The following PRKG2 variants were observed in gnomAD, a reference collection of about 807,000 sequenced individuals.
PRKG2 encodes the protein protein kinase cGMP-dependent 2.
PRKG2 carries 33 observed loss-of-function variants against 97.2 expected under a neutral mutation model. That is an observed-to-expected ratio of 0.34 (90% CI 0.26 to 0.45). PRKG2 has a LOEUF of 0.45. Among genes scored for constraint, PRKG2 ranks in the 20% least tolerant of loss-of-function variants. The pLI is 1.00. For missense variants in PRKG2, 638 were observed against 900.0 expected (o/e 0.71, Z 3.73); for synonymous variants, 330 against 321.8 (o/e 1.03, Z -0.27).
chr4:81,118,758 A>T lies in PRKG2; in HGVS notation c.1777-8147T>A, dbSNP rs575670357. On this transcript the variant is annotated intron_variant, in intron 14 of 18. Transcript: ENST00000264399. The stretch of plus-strand genomic sequence containing the variant: ...TGGCTTGTCTTCTAATTCTCTTAAC[A>T]GTCTTTCACAGAGCAGAAGTTTTCG... 1.5e-4 allele frequency among the ~76,000 whole-genome samples: 23 copies of T among 152,218 alleles called. No homozygotes were observed. The East Asian group carries it at 3.5e-3, about 23-fold the overall frequency.
At chr4:81,147,350 A>C (rs1578419933) in intron 9 of PRKG2, among the ~76,000 whole-genome samples, 1 of 152,178 alleles carries the variant, frequency 6.6e-6, no homozygotes, top group Non-Finnish European at 1.5e-5. Flanking sequence ...TAAGGAACAT[A>C]TATAGAAAAC....
At chr4:81,120,221 T>G (rs1744946336) in intron 14 of PRKG2, among the ~76,000 whole-genome samples, 1 of 152,170 alleles carries the variant, frequency 6.6e-6, no homozygotes, top group Admixed American at 6.5e-5. Flanking sequence ...CTGTAACCAA[T>G]CCAGCTGTTT....
chr4:81,094,020 G>A (rs1394600327), intron 17 of PRKG2, among the ~76,000 whole-genome samples: 1 of 152,158 alleles, frequency 6.6e-6, no homozygotes, highest in African/African-American at 2.4e-5. Context: ...TTGATGCAGG[G>A]TTATCACAAA....
At position 81,140,619 on chromosome 4, in the gene PRKG2, C is replaced by T. The variant is rs774359701; in HGVS notation, c.1458G>A (p.Lys486=). 58 of 1,611,896 alleles carry T rather than the reference C, an allele frequency of 3.6e-5. No individual in the cohort carries two copies. Among genetic ancestry groups the T allele is most frequent in the Non-Finnish European group, 3.6e-5 (43 of 1,178,384 alleles). Residue 486 remains lysine, a synonymous_variant, in exon 12 of 19, where the codon AAG becomes AAA. Transcript: ENST00000264399. ...NVAFAMKCIR[K]KHIVDTKQQE... is the part of the protein sequence containing the mutation. ...GCTGCTTGGTGTCAACTATGTGCTT[C>T]TTCCTTATACACTTCATAGCAAAAG... is the stretch of plus-strand genomic sequence containing the variant.
chr4:81,160,580 C>T (rs1303894730), intron 6 of PRKG2, among the ~76,000 whole-genome samples: 1 of 152,048 alleles, frequency 6.6e-6, no homozygotes, highest in East Asian at 1.9e-4. Context: ...ATTTCTAATT[C>T]CTTGAAAAGC....
intron 2 of PRKG2, among the ~76,000 whole-genome samples, chr4:81,197,546 TAG>T (rs1293507827): frequency 6.6e-6 from 1 of 152,224 alleles, no homozygotes; most frequent in East Asian, 1.9e-4. Flanking sequence ...GGTGAGTTTA[TAG>T]AAGCCTTAGC....
At chr4:81,131,958 C>T (rs1011901622) in intron 14 of PRKG2, among the ~76,000 whole-genome samples, 2 of 152,084 alleles carry the variant, frequency 1.3e-5, no homozygotes, top group African/African-American at 4.8e-5. Flanking sequence ...GAATAAACAT[C>T]TCCATTTCTA....
chr4:81,149,432 A>G (rs72878860), intron 8 of PRKG2, among the ~76,000 whole-genome samples: 19,566 of 152,158 alleles, frequency 0.13, 1,940 homozygotes, highest in East Asian at 0.46. Context: ...ATACTAAAAT[A>G]CTTTCATTTC....
intron 17 of PRKG2, among the ~76,000 whole-genome samples, chr4:81,097,102 G>A (rs1235776326): frequency 6.6e-6 from 1 of 152,120 alleles, no homozygotes; most frequent in Non-Finnish European, 1.5e-5. Context: ...GGTTTAGGCT[G>A]CAGTGAGCCA....
At chr4:81,187,410 C>T (rs1000148441) in intron 2 of PRKG2, among the ~76,000 whole-genome samples, 4 of 152,078 alleles carry the variant, frequency 2.6e-5, no homozygotes, top group Admixed American at 2.6e-4. Flanking sequence ...AAAAGGACTT[C>T]AACAAAATTC....
chr4:81,208,675 C>T (rs1168504422), intron 1 of PRKG2, among the ~76,000 whole-genome samples: 1 of 152,106 alleles, frequency 6.6e-6, no homozygotes, highest in Non-Finnish European at 1.5e-5. Context: ...ACCCTTCTGC[C>T]TCAGCCTCTC....
intron 17 of PRKG2, among the ~76,000 whole-genome samples, chr4:81,098,961 A>T (rs149360731): frequency 7.7e-4 from 118 of 152,318 alleles, no homozygotes; most frequent in African/African-American, 2.6e-3. Flanking sequence ...TAAAAAATAA[A>T]ATATCTGCAA....
chr4:81,092,395 C>T lies in PRKG2; in HGVS notation c.2184G>A (p.Leu728=). Residue 728 remains leucine (L), a synonymous_variant, in exon 18 of 19, where the codon TTG becomes TTA. Coordinates refer to ENST00000264399, the MANE Select transcript of PRKG2 (RefSeq NM_006259.3). Reference sequence around the variant, plus strand: ...ATAATAAATACAATACCTCTCTTTGCAAAGGTGATGGAAGGCTCCGTGCTT... The same window carrying T: ...ATAATAAATACAATACCTCTCTTTGTAAAGGTGATGGAAGGCTCCGTGCTT... ...GLKARSLPSP[L]QRELKGPIDH... 1 of 1,579,536 alleles carries T rather than the reference C, an allele frequency of 6.3e-7. No homozygotes were observed.
At chr4:81,165,771 T>C (rs992807831) in intron 6 of PRKG2, among the ~76,000 whole-genome samples, 3 of 152,160 alleles carry the variant, frequency 2.0e-5, no homozygotes, top group South Asian at 2.1e-4. Context: ...CCCCCATCTA[T>C]ATATTCTGTA....
intron 6 of PRKG2, among the ~76,000 whole-genome samples, chr4:81,164,515 A>C (rs1476905260): frequency 1.3e-5 from 2 of 152,172 alleles, no homozygotes; most frequent in Non-Finnish European, 2.9e-5. Flanking sequence ...GACTTGAAAA[A>C]AGTGATTAAA....
At chr4:81,175,628 T>C (rs1750857149) in intron 2 of PRKG2, 1 of 152,108 alleles carries the variant, frequency 6.6e-6, no homozygotes, top group Non-Finnish European at 1.5e-5. Context: ...ACAGTGATAG[T>C]CTAGGTTTGA....
At chr4:81,217,441 A>G (rs993539099), upstream of PRKG2, among the ~76,000 whole-genome samples, 3 of 152,164 alleles carry the variant, frequency 2.0e-5, no homozygotes, top group African/African-American at 4.8e-5. Context: ...CAGCAATCCT[A>G]TGCTCTGTCA....
intron 18 of PRKG2, among the ~76,000 whole-genome samples, chr4:81,090,602 A>T (rs1741441199): frequency 6.6e-6 from 1 of 152,182 alleles, no homozygotes. Context: ...AAATAAAATG[A>T]TTTCTAACTC....
intron 9 of PRKG2, among the ~76,000 whole-genome samples, chr4:81,144,615 T>A (rs1306029940): frequency 6.0e-5 from 9 of 150,124 alleles, no homozygotes; most frequent in African/African-American, 2.0e-4. Flanking sequence ...TATATATTTT[T>A]TTTTTATTAT....
Sources: allele counts gnomAD v4.1 joint callset (sites outside exome capture counted in the v4.1 genomes callset), GRCh38; gene constraint gnomAD v4.1.1; transcripts MANE v1.5; gene names NCBI Gene and HGNC (gene_info 2026-07-23, HGNC 2026-07-21).